Variants in DNMT3B observed in about 807,000 individuals in gnomAD.
The protein encoded by DNMT3B is DNA (cytosine-5)-methyltransferase 3B.
Under a neutral mutation model 120.2 loss-of-function variants are expected in DNMT3B, and 37 were observed. That is an observed-to-expected ratio of 0.31 (90% CI 0.24 to 0.40). DNMT3B has a LOEUF of 0.40. Ranked by LOEUF, DNMT3B falls within the 10% of genes least tolerant of loss-of-function variation. The pLI, the probability that DNMT3B is intolerant of heterozygous loss-of-function variation, is 1.00. For missense variants in DNMT3B, 878 were observed against 1,137.3 expected, an observed-to-expected ratio of 0.77 and a Z score of 3.28; for synonymous variants, 412 against 442.8, an observed-to-expected ratio of 0.93 and a Z score of 0.87.
Position 32,762,668 on chromosome 20 carries a change from GC to G in DNMT3B, c.-35del. ...GCCAGCCCCGACCCGCGGCTCCGCC[GC>G]CCAGCCGCGCCCCAGCCAGCCCTGC... On this transcript the variant is annotated 5_prime_UTR_variant, in exon 1 of 23. Transcript: ENST00000328111. 1.5e-5 allele frequency: 3 copies of G among 205,082 alleles called. No homozygotes were observed. The highest frequency in any genetic ancestry group is 1.9e-5 in the Non-Finnish European group (2 of 103,548). 12.7% of individuals were successfully genotyped at this position (205,082 alleles called of 1,614,324 possible). A position where few individuals can be genotyped will look rare whatever the true frequency, so the allele number is the denominator to read the frequency against.
chr20:32,775,494 T>C (rs1988022642), intron 1 of DNMT3B, among the ~76,000 whole-genome samples: 1 of 152,166 alleles, frequency 6.6e-6, no homozygotes, highest in Non-Finnish European at 1.5e-5. Flanking sequence ...CCACATTGCA[T>C]TTGAGTACAT....
rs746999702 is a variant in DNMT3B at position 32,791,598 on chromosome 20, T to C, written c.814-3T>C. The C allele has an allele frequency of 1.1e-5, 18 of 1,614,012 alleles. No individual in the cohort carries two copies. Among genetic ancestry groups the C allele is most frequent in the Non-Finnish European group, 1.5e-5 (18 of 1,179,974 alleles). On this transcript the variant is annotated splice_polypyrimidine_tract_variant and splice_region_variant and intron_variant, in intron 7 of 22. Transcript: ENST00000328111. ...GGATGTTGATGATGTCTTTCTCTTT[T>C]AGGTCTCTGCAGACAAACTGGTGGC... is the stretch of plus-strand genomic sequence containing the variant.
intron 1 of DNMT3B, among the ~76,000 whole-genome samples, chr20:32,767,973 GA>G (rs1987485878): frequency 6.6e-6 from 1 of 152,240 alleles, no homozygotes; most frequent in African/African-American, 2.4e-5. Flanking sequence ...AGCTCCTGCA[GA>G]AGTGCTGATG....
At chr20:32,795,779 A>T (rs1980552566) in intron 12 of DNMT3B, 85 bp downstream of exon 12, 9 of 1,558,686 alleles carry the variant, frequency 5.8e-6, no homozygotes, top group Non-Finnish European at 7.9e-6. Context: ...CCACCCTGTC[A>T]GGGTTTAACC....
At chr20:32,786,752 TC>T (rs1979344359) in intron 5 of DNMT3B, 125 bp downstream of exon 5, 1 of 1,495,084 alleles carries the variant, frequency 6.7e-7, no homozygotes, top group East Asian at 2.3e-5. Flanking sequence ...CTTTTCAGGT[TC>T]TTGCTTTTTC....
chr20:32,786,740 T>G (rs1979342197), intron 5 of DNMT3B, 113 bp downstream of exon 5: 2 of 1,548,952 alleles, frequency 1.3e-6, no homozygotes, highest in Non-Finnish European at 1.8e-6. Flanking sequence ...TTTTTCACAC[T>G]GCTTTTCAGG....
Position 32,808,251 on chromosome 20 carries a change from C to T in DNMT3B, c.*348C>T. 2.5e-6 allele frequency: 1 copy of T among 404,680 alleles called. No individual in the cohort carries two copies. The highest frequency in any genetic ancestry group is 4.6e-6 in the Non-Finnish European group (1 of 216,950). 25.1% of individuals were successfully genotyped at this position (404,680 alleles called of 1,614,324 possible). A position where few individuals can be genotyped will look rare whatever the true frequency, so the allele number is the denominator to read the frequency against. ...AGAAACAATGGCTAAGATACCAAAA[C>T]CACAGTGCCGACAGCTCTCCAATAC... On this transcript the variant is annotated 3_prime_UTR_variant, in exon 23 of 23. Coordinates refer to ENST00000328111, the MANE Select transcript of DNMT3B (RefSeq NM_006892.4).
At chr20:32,794,654 G>T (rs1484493748) in intron 10 of DNMT3B, among the ~76,000 whole-genome samples, 1 of 152,122 alleles carries the variant, frequency 6.6e-6, no homozygotes, top group Non-Finnish European at 1.5e-5. Flanking sequence ...AACAAGAAAG[G>T]AACAGGTGAA....
Position 32,772,938 on chromosome 20 carries a change from C to T in DNMT3B, c.-6-7380C>T, listed in dbSNP as rs117141469. 2.8e-3 allele frequency among the ~76,000 whole-genome samples: 400 copies of T among 145,380 alleles called. 3 individuals are homozygous for T. The highest frequency in any genetic ancestry group is 3.5e-3 in the Non-Finnish European group (236 of 67,406). ...TTGCCCAGGCTAGAGTGCAATGGCA[C>T]GATCCCGAGTAGCTGGGATTACAGG... On this transcript the variant is annotated intron_variant, in intron 1 of 22. Transcript: ENST00000328111.
chr20:32,806,102 C>G, intron 21 of DNMT3B, 107 bp from the exon 22 acceptor site: 1 of 1,026,134 alleles, frequency 9.7e-7, no homozygotes, highest in Non-Finnish European at 1.5e-6. Flanking sequence ...TGCCACTCTT[C>G]TGCCGCACCT....
intron 6 of DNMT3B, among the ~76,000 whole-genome samples, chr20:32,787,838 TC>T (rs1219127450): frequency 6.6e-6 from 1 of 151,308 alleles, no homozygotes; most frequent in Non-Finnish European, 1.5e-5. Context: ...CAAAAGAGAG[TC>T]AGCGAAGGGA....
chr20:32,804,941 T>C (rs1244049716), intron 20 of DNMT3B, among the ~76,000 whole-genome samples: 3 of 152,088 alleles, frequency 2.0e-5, no homozygotes, highest in Admixed American at 2.0e-4. Flanking sequence ...TTGTATCAGG[T>C]AGACCCACAA....
chr20:32,791,538 G>A, intron 7 of DNMT3B, 63 bp from the exon 8 acceptor site: 1 of 1,512,690 alleles, frequency 6.6e-7, no homozygotes, highest in South Asian at 1.1e-5. Flanking sequence ...GGACAACATT[G>A]TGATAGACAT....
rs10623814 is a variant in DNMT3B at position 32,785,862 on chromosome 20, TTTTC to T, written c.307-620_307-617del. On this transcript the variant is annotated intron_variant, in intron 4 of 22. Transcript: ENST00000328111. ...AGTTTATTTTAGAGTGAACACGAAT[TTTTC>T]TTTCTTTCTTTCTTTCTTTTTTTTT... Among the ~76,000 whole-genome samples the T allele has an allele frequency of 2.0e-4, 30 of 149,318 alleles. 1 individual carries two copies. Among genetic ancestry groups the T allele is most frequent in the African/African-American group, 1.8e-4 (7 of 39,982 alleles).
In DNMT3B at chr20:32,796,854, C is replaced by T; in HGVS notation, c.1362C>T (p.Leu454=). 3 of 1,614,184 alleles carry T rather than the reference C, an allele frequency of 1.9e-6. No individual in the cohort carries two copies. Among genetic ancestry groups the T allele is most frequent in the Non-Finnish European group, 2.5e-6 (3 of 1,180,028 alleles). ...TCCACCCTCTCTTTGAGGGGGGGCT[C>T]TGTCAGACATGCCGGGTAAGTCCTC... ...VSFHPLFEGG[L]CQTCRDRFLE... Residue 454 remains leucine, a synonymous_variant, in exon 13 of 23, where the codon CTC becomes CTT. Coordinates refer to ENST00000328111, the MANE Select transcript of DNMT3B (RefSeq NM_006892.4).
chr20:32,773,906 C>G (rs1987897352), intron 1 of DNMT3B, among the ~76,000 whole-genome samples: 1 of 137,038 alleles, frequency 7.3e-6, no homozygotes, highest in Admixed American at 7.5e-5. Flanking sequence ...GTGGTATTAA[C>G]AGGCATGAGC....
chr20:32,789,934 T>C (rs1220523272), intron 7 of DNMT3B, among the ~76,000 whole-genome samples: 3 of 152,190 alleles, frequency 2.0e-5, no homozygotes, highest in Non-Finnish European at 4.4e-5. Context: ...TGTGATGGTC[T>C]CTTAGAAGTA....
intron 9 of DNMT3B, among the ~76,000 whole-genome samples, chr20:32,793,094 A>G (rs1568847137): frequency 6.7e-6 from 1 of 150,350 alleles, no homozygotes; most frequent in African/African-American, 2.5e-5. Flanking sequence ...AAAATTGGAA[A>G]GTGTTAAAGA....
In DNMT3B at chr20:32,808,056, C is replaced by T. The variant is rs773948076; in HGVS notation, c.*153C>T. On this transcript the variant is annotated 3_prime_UTR_variant, in exon 23 of 23. Transcript: ENST00000328111. ...CTCTTGCTCAGTGGGGGCAGAGCCACCTGACTCTTGCAGGGGTAGCCTGAG... is the reference window on the plus strand; with the variant it reads ...CTCTTGCTCAGTGGGGGCAGAGCCATCTGACTCTTGCAGGGGTAGCCTGAG... The T allele has an allele frequency of 1.6e-5, 22 of 1,341,004 alleles. No individual in the cohort carries two copies. Among genetic ancestry groups the T allele is most frequent in the Non-Finnish European group, 2.3e-5 (22 of 972,950 alleles). 83.1% of individuals were successfully genotyped at this position (1,341,004 alleles called of 1,614,324 possible). A position where few individuals can be genotyped will look rare whatever the true frequency, so the allele number is the denominator to read the frequency against.
Sources: gnomAD v4.1 joint callset for allele counts (sites outside exome capture counted in the v4.1 genomes callset) on GRCh38, gnomAD v4.1.1 for gene constraint, MANE v1.5 for transcripts, NCBI Gene and HGNC (gene_info 2026-07-23, HGNC 2026-07-21) for gene names.